PPIL6: variants seen among roughly 807,000 people sequenced by gnomAD.
The protein encoded by PPIL6 is peptidylprolyl isomerase like 6.
A neutral mutation model predicts 36.8 loss-of-function variants in PPIL6; 39 were observed. The ratio of observed to expected loss-of-function variants is 1.06; its 90% confidence interval spans 0.82 to 1.38. PPIL6 has a LOEUF of 1.38. PPIL6 is among the 40% of genes most tolerant of loss of function. The pLI is 0.00. For missense variants in PPIL6, 368 were observed against 379.1 expected (o/e 0.97, Z 0.24); for synonymous variants, 123 against 134.1 (o/e 0.92, Z 0.57).
rs1163478639 is a variant in PPIL6, at chr6:109,427,131, C to A, written c.446G>T (p.Cys149Phe). The A allele has an allele frequency of 6.2e-7, 1 of 1,611,604 alleles. No homozygotes were observed. Among genetic ancestry groups the A allele is most frequent in the Admixed American group, 1.7e-5 (1 of 59,898 alleles). Residue 149 changes from cysteine (C) to phenylalanine (F), a missense_variant, in exon 4 of 8, where the codon TGT becomes TTT. Physicochemically the swap from Cys to Phe is radical, Grantham distance 205. Coordinates refer to ENST00000521072, the MANE Select transcript of PPIL6 (RefSeq NM_173672.5). ...TKHDFVFLDICIDSSPIGRLI... is the reference protein window; with the variant it reads ...TKHDFVFLDIFIDSSPIGRLI... ...TCTTCCAATTGGAGAAGAATCAATA[C>A]AAATGTCCAAAAACACGAAATCATG...
intron 6 of PPIL6, among the ~76,000 whole-genome samples, chr6:109,410,266 G>A (rs1310284657): frequency 6.6e-6 from 1 of 152,118 alleles, no homozygotes; most frequent in African/African-American, 2.4e-5. Context: ...CACCTCTTTT[G>A]TCCTTGTTGG....
rs777705452 is a variant in PPIL6 at position 109,427,148 on chromosome 6, G to A, written c.429C>T (p.Phe143=). The change falls in exon 4 of 8, where the codon TTC becomes TTT. Residue 143 remains phenylalanine, a synonymous_variant. Coordinates refer to ENST00000521072, the MANE Select transcript of PPIL6 (RefSeq NM_173672.5). ...AKFLRDTKHD[F]VFLDICIDSS... Reference sequence around the variant, plus strand: ...AATCAATACAAATGTCCAAAAACACGAAATCATGCTGTGAAGATTAAGGAG... The same window carrying A: ...AATCAATACAAATGTCCAAAAACACAAAATCATGCTGTGAAGATTAAGGAG... 13 of 1,610,686 alleles carry A rather than the reference G, an allele frequency of 8.1e-6. No individual in the cohort carries two copies. Among genetic ancestry groups the A allele is most frequent in the Admixed American group, 6.7e-5 (4 of 59,890 alleles).
intron 2 of PPIL6, among the ~76,000 whole-genome samples, chr6:109,434,605 G>A (rs1774344778): frequency 6.6e-6 from 1 of 152,318 alleles, no homozygotes; most frequent in African/African-American, 2.4e-5. Context: ...AACAGAGAAT[G>A]AAGTGGTCTC....
intron 5 of PPIL6, among the ~76,000 whole-genome samples, chr6:109,423,237 G>A (rs564242365): frequency 3.3e-5 from 5 of 152,122 alleles, no homozygotes; most frequent in Admixed American, 2.0e-4. Flanking sequence ...GCATGGTGGC[G>A]CGTGCCTGTA....
intron 6 of PPIL6, among the ~76,000 whole-genome samples, chr6:109,406,647 C>T (rs1052390129): frequency 1.3e-5 from 2 of 152,074 alleles, no homozygotes; most frequent in Non-Finnish European, 2.9e-5. Flanking sequence ...GATGTTTCTC[C>T]CCTTACCTAC....
intron 7 of PPIL6, among the ~76,000 whole-genome samples, chr6:109,393,540 G>GA (rs1772177892): frequency 6.6e-6 from 1 of 152,082 alleles, no homozygotes; most frequent in East Asian, 1.9e-4. Flanking sequence ...TGGTCTTTTA[G>GA]AAATAGCAAT....
chr6:109,424,215 G>C (rs569780859), intron 5 of PPIL6, among the ~76,000 whole-genome samples: 1 of 152,252 alleles, frequency 6.6e-6, no homozygotes, highest in East Asian at 1.9e-4. Flanking sequence ...ACAGACAGTG[G>C]GGTTGGGGGC....
intron 3 of PPIL6, among the ~76,000 whole-genome samples, chr6:109,428,554 A>AC (rs985890910): frequency 1.4e-5 from 1 of 71,412 alleles, no homozygotes; most frequent in African/African-American, 4.3e-5. Flanking sequence ...CCCTATGAAG[A>AC]AAAAAAAAAA....
chr6:109,419,816 T>C (rs1773450176), intron 5 of PPIL6, among the ~76,000 whole-genome samples: 1 of 152,164 alleles, frequency 6.6e-6, no homozygotes, highest in African/African-American at 2.4e-5. Context: ...TATGAAAATA[T>C]TACTATAATA....
At chr6:109,417,655 G>C (rs1464154253) in intron 6 of PPIL6, among the ~76,000 whole-genome samples, 1 of 152,126 alleles carries the variant, frequency 6.6e-6, no homozygotes, top group African/African-American at 2.4e-5. Context: ...ATAGAGCCAA[G>C]GAAAGCTATG....
chr6:109,428,848 G>T (rs192685950), intron 3 of PPIL6, among the ~76,000 whole-genome samples: 66 of 152,198 alleles, frequency 4.3e-4, no homozygotes, highest in African/African-American at 1.5e-3. Flanking sequence ...AAACTTCAGA[G>T]GCTCAGGAGG....
intron 6 of PPIL6, among the ~76,000 whole-genome samples, chr6:109,416,086 G>A (rs77859624): frequency 0.015 from 2,334 of 152,180 alleles, 53 homozygotes; most frequent in African/African-American, 0.053. Context: ...TTATGGTTAG[G>A]AGCAGTCTGG....
intron 6 of PPIL6, chr6:109,403,092 C>T: frequency 6.5e-7 from 1 of 1,528,704 alleles, no homozygotes; most frequent in South Asian, 1.2e-5. Context: ...CACTTCTTTT[C>T]AAGCTTCCAT....
intron 5 of PPIL6, among the ~76,000 whole-genome samples, chr6:109,423,622 C>T (rs574150995): frequency 2.0e-5 from 3 of 151,968 alleles, no homozygotes; most frequent in African/African-American, 7.2e-5. Flanking sequence ...TATCCTCACC[C>T]ATTTTATATA....
chr6:109,440,417 G>C (rs770952540), intron 1 of PPIL6, 39 bp downstream of exon 1: 10 of 1,532,052 alleles, frequency 6.5e-6, no homozygotes, highest in South Asian at 1.2e-5. Context: ...AGCGGGTAGC[G>C]GGGAGGGCCG....
chr6:109,433,089 C>T (rs1180105025), intron 2 of PPIL6, among the ~76,000 whole-genome samples: 1 of 149,674 alleles, frequency 6.7e-6, no homozygotes, highest in East Asian at 2.0e-4. Context: ...CCGAGTCTTG[C>T]TCTGTCACCC....
At chr6:109,438,304 A>G (rs997601536) in intron 1 of PPIL6, among the ~76,000 whole-genome samples, 1 of 151,986 alleles carries the variant, frequency 6.6e-6, no homozygotes, top group African/African-American at 2.4e-5. Context: ...GAGGCTGGGC[A>G]TCACCGTGGC....
intron 2 of PPIL6, among the ~76,000 whole-genome samples, chr6:109,434,059 G>A (rs777057927): frequency 2.0e-5 from 3 of 152,142 alleles, no homozygotes; most frequent in Admixed American, 6.5e-5. Flanking sequence ...TTTCCTGTGG[G>A]TGGAGAGCAT....
At chr6:109,431,993 T>C (rs1418484887) in intron 2 of PPIL6, among the ~76,000 whole-genome samples, 1 of 152,236 alleles carries the variant, frequency 6.6e-6, no homozygotes, top group Non-Finnish European at 1.5e-5. Context: ...TTAATTTTGT[T>C]TCAGCTTCTT....
Sources: gnomAD v4.1 joint callset for allele counts (sites outside exome capture counted in the v4.1 genomes callset) on GRCh38, gnomAD v4.1.1 for gene constraint, MANE v1.5 for transcripts, NCBI Gene and HGNC (gene_info 2026-07-23, HGNC 2026-07-21) for gene names.